RMST: variants seen among roughly 807,000 people sequenced by gnomAD.
The protein encoded by RMST is rhabdomyosarcoma 2 associated transcript.
At chr12:97,518,635 C>G (rs186454700) in intron 10 of RMST, among the ~76,000 whole-genome samples, 1 of 152,302 alleles carries the variant, frequency 6.6e-6, no homozygotes, top group Admixed American at 6.5e-5. Flanking sequence ...TTGAGACAGA[C>G]TGAATCACAC....
At chr12:97,507,874 G>T (rs919552241) in intron 10 of RMST, among the ~76,000 whole-genome samples, 3 of 152,166 alleles carry the variant, frequency 2.0e-5, no homozygotes, top group Non-Finnish European at 4.4e-5. Context: ...TGGCAAGCCA[G>T]CTCACATTAA....
chr12:97,465,523 A>C (rs1393931884), intron 4 of RMST: 1 of 152,232 alleles, frequency 6.6e-6, no homozygotes, highest in Non-Finnish European at 1.5e-5. Flanking sequence ...GCACTCTGCT[A>C]ATAAGATGCT....
chr12:97,533,045 G>C (rs1881798646), intron 11 of RMST: 2 of 151,740 alleles, frequency 1.3e-5, no homozygotes, highest in East Asian at 1.9e-4. Flanking sequence ...TGAGTGGTAT[G>C]CTGCTTTAGA....
chr12:97,486,803 A>G (rs1285893591), intron 5 of RMST, among the ~76,000 whole-genome samples: 2 of 152,196 alleles, frequency 1.3e-5, no homozygotes, highest in Non-Finnish European at 2.9e-5. Context: ...TAATAAACGA[A>G]CAGAGAAAAT....
intron 5 of RMST, chr12:97,483,495 G>A (rs1356455980): frequency 6.6e-6 from 1 of 152,078 alleles, no homozygotes; most frequent in Non-Finnish European, 1.5e-5. Context: ...AAGGGTAAGT[G>A]GCCGTAAGCC....
At chr12:97,548,882 T>C (rs1022006850) in intron 11 of RMST, among the ~76,000 whole-genome samples, 1 of 152,168 alleles carries the variant, frequency 6.6e-6, no homozygotes, top group Non-Finnish European at 1.5e-5. Flanking sequence ...AGTCTAGCAA[T>C]TGAATTTTTA....
chr12:97,470,709 T>C (rs1044908316), intron 5 of RMST, among the ~76,000 whole-genome samples: 3 of 152,044 alleles, frequency 2.0e-5, no homozygotes, highest in Non-Finnish European at 4.4e-5. Flanking sequence ...GTTTGTGTGT[T>C]TTCCATCACA....
intron 5 of RMST, among the ~76,000 whole-genome samples, chr12:97,486,796 T>G (rs988278185): frequency 6.6e-6 from 1 of 152,182 alleles, no homozygotes; most frequent in Non-Finnish European, 1.5e-5. Context: ...TGCCATTTAA[T>G]AAACGAACAG....
intron 11 of RMST, among the ~76,000 whole-genome samples, chr12:97,553,171 C>T (rs969417663): frequency 6.6e-6 from 1 of 152,100 alleles, no homozygotes; most frequent in Admixed American, 6.6e-5. Flanking sequence ...ATGTGCTAAA[C>T]CCTGTGACCC....
intron 10 of RMST, among the ~76,000 whole-genome samples, chr12:97,496,985 A>C (rs765104766): frequency 6.6e-5 from 10 of 152,150 alleles, no homozygotes; most frequent in African/African-American, 9.7e-5. Context: ...TTTATGAATG[A>C]ATCAAAAAGT....
chr12:97,523,623 A>G (rs1252143111), intron 10 of RMST, among the ~76,000 whole-genome samples: 1 of 152,256 alleles, frequency 6.6e-6, no homozygotes, highest in Admixed American at 6.5e-5. Flanking sequence ...ACAATTAAAA[A>G]GAATGATACA....
chr12:97,483,641 T>G (rs1478672661), intron 5 of RMST, among the ~76,000 whole-genome samples: 1 of 152,200 alleles, frequency 6.6e-6, no homozygotes, highest in South Asian at 2.1e-4. Flanking sequence ...TGTTATGACT[T>G]ATATCTCCTT....
chr12:97,511,450 A>G (rs1207607921), intron 10 of RMST, among the ~76,000 whole-genome samples: 1 of 152,126 alleles, frequency 6.6e-6, no homozygotes, highest in Non-Finnish European at 1.5e-5. Flanking sequence ...TCTTTATTAG[A>G]GCAAATACAA....
intron 10 of RMST, among the ~76,000 whole-genome samples, chr12:97,526,729 A>G (rs1369708299): frequency 1.3e-5 from 2 of 152,140 alleles, no homozygotes; most frequent in Non-Finnish European, 2.9e-5. Context: ...TGTTGTTGTT[A>G]TTACTGATTT....
intron 5 of RMST, among the ~76,000 whole-genome samples, chr12:97,475,074 A>C (rs569017632): frequency 6.6e-6 from 1 of 152,186 alleles, no homozygotes; most frequent in Non-Finnish European, 1.5e-5. Flanking sequence ...TAAACGTGAA[A>C]TCTAAATTGC....
chr12:97,465,748 A>T (rs1361147165), intron 5 of RMST: 2 of 152,206 alleles, frequency 1.3e-5, no homozygotes, highest in African/African-American at 4.8e-5. Flanking sequence ...AACATTTTTA[A>T]AAGTGCAATT....
chr12:97,497,417 A>G (rs962645267), intron 10 of RMST, among the ~76,000 whole-genome samples: 14 of 152,120 alleles, frequency 9.2e-5, no homozygotes, highest in African/African-American at 1.4e-4. Flanking sequence ...TTCTAAAGAG[A>G]GGTTCAAGAT....
At chr12:97,486,746 A>T (rs1876160356) in intron 5 of RMST, among the ~76,000 whole-genome samples, 2 of 152,208 alleles carry the variant, frequency 1.3e-5, no homozygotes, top group Admixed American at 1.3e-4. Context: ...AAAGATTTGA[A>T]TGAGTGGTCC....
intron 10 of RMST, among the ~76,000 whole-genome samples, chr12:97,509,011 A>G (rs1213466919): frequency 3.3e-5 from 5 of 152,220 alleles, no homozygotes; most frequent in Non-Finnish European, 5.9e-5. Context: ...GCATAAATGG[A>G]GGAAACCTAG....
Sources: gnomAD v4.1 joint callset for allele counts (sites outside exome capture counted in the v4.1 genomes callset) on GRCh38, gnomAD v4.1.1 for gene constraint, MANE v1.5 for transcripts, NCBI Gene and HGNC (gene_info 2026-07-23, HGNC 2026-07-21) for gene names.